The following FBXL20 variants were observed in gnomAD, a reference collection of about 807,000 sequenced individuals.
The protein encoded by FBXL20 is F-box and leucine rich repeat protein 20.
Under a neutral mutation model 64.0 loss-of-function variants are expected in FBXL20, and 11 were observed. The observed-to-expected ratio is 0.17, with a 90% confidence interval of 0.11 to 0.28. FBXL20 has a LOEUF of 0.28. Among genes scored for constraint, FBXL20 ranks in the 10% least tolerant of loss-of-function variants. FBXL20 has a pLI of 1.00. For synonymous variants in FBXL20, 184 were observed against 189.0 expected (o/e 0.97, Z 0.22); for missense variants, 303 against 526.2 (o/e 0.58, Z 4.15).
intron 1 of FBXL20, among the ~76,000 whole-genome samples, chr17:39,395,421 C>T (rs1318175110): frequency 6.6e-6 from 1 of 152,196 alleles, no homozygotes; most frequent in East Asian, 1.9e-4. Context: ...GAGACTCCGT[C>T]TCAAAAATAA....
At chr17:39,304,894 T>A (rs990082030) in intron 2 of FBXL20, among the ~76,000 whole-genome samples, 2 of 152,074 alleles carry the variant, frequency 1.3e-5, no homozygotes, top group Non-Finnish European at 2.9e-5. Flanking sequence ...CTAGCTGGGA[T>A]TACAGGCATC....
At position 39,328,248 on chromosome 17, in the gene FBXL20, CAAAAAAAA is replaced by C. The variant is rs141259755; in HGVS notation, c.104+14924_104+14931del. ...TGGGCAACAGAGCGAAACTCTGCCT[CAAAAAAAA>C]AAAAAAAAAAAAAAAAAAAAGACTG... is the stretch of plus-strand genomic sequence containing the variant. On this transcript the variant is annotated intron_variant, in intron 2 of 14. Coordinates refer to ENST00000264658, the MANE Select transcript of FBXL20 (RefSeq NM_032875.3). Among the ~76,000 whole-genome samples, 22 of 55,104 alleles carry C rather than the reference CAAAAAAAA, an allele frequency of 4.0e-4. No individual in the cohort carries two copies. In the South Asian group the frequency reaches 8.8e-3, roughly 22 times the overall value. 36.2% of individuals were successfully genotyped at this position (55,104 alleles called of 152,430 possible).
chr17:39,319,601 C>T (rs1490823078), intron 2 of FBXL20, among the ~76,000 whole-genome samples: 1 of 141,604 alleles, frequency 7.1e-6, no homozygotes, highest in Non-Finnish European at 1.5e-5. Flanking sequence ...AGGACAATTG[C>T]TTGAACCTGG....
intron 2 of FBXL20, among the ~76,000 whole-genome samples, chr17:39,339,944 A>AT (rs887759544): frequency 1.4e-3 from 190 of 140,340 alleles, no homozygotes; most frequent in East Asian, 4.7e-3. Context: ...CCGTAACTGG[A>AT]TTTTTTTTTT....
At chr17:39,376,120 AAAAAT>A (rs958468326) in intron 1 of FBXL20, among the ~76,000 whole-genome samples, 15 of 152,040 alleles carry the variant, frequency 9.9e-5, no homozygotes, top group African/African-American at 3.4e-4. Flanking sequence ...CTCCATCTCA[AAAAAT>A]AAAATAAAAT....
At chr17:39,285,425 T>A (rs2046980273) in intron 7 of FBXL20, 53 bp downstream of exon 7, 14 of 1,229,258 alleles carry the variant, frequency 1.1e-5, no homozygotes, top group Middle Eastern at 2.1e-4. Flanking sequence ...ATTATTTTTT[T>A]AAAATATGTA....
At chr17:39,395,826 T>C (rs545560380) in intron 1 of FBXL20, among the ~76,000 whole-genome samples, 2 of 152,140 alleles carry the variant, frequency 1.3e-5, no homozygotes, top group South Asian at 2.1e-4. Context: ...ATGAGTGAAA[T>C]GATGTAGAGA....
chr17:39,292,052 A>G (rs1384215625), intron 6 of FBXL20, among the ~76,000 whole-genome samples: 1 of 150,742 alleles, frequency 6.6e-6, no homozygotes, highest in Admixed American at 6.6e-5. Context: ...GTCCTATTGA[A>G]TATTCCAAAT....
chr17:39,355,850 C>T (rs576789931), intron 1 of FBXL20, among the ~76,000 whole-genome samples: 12 of 95,194 alleles, frequency 1.3e-4, no homozygotes, highest in Middle Eastern at 9.4e-3. Flanking sequence ...ATCGAGACTT[C>T]GTCTCAAAAA....
At chr17:39,395,040 G>T (rs748424664) in intron 1 of FBXL20, among the ~76,000 whole-genome samples, 1 of 152,132 alleles carries the variant, frequency 6.6e-6, no homozygotes, top group African/African-American at 2.4e-5. Flanking sequence ...AAAAGAGATG[G>T]ATTTTTTTAA....
At chr17:39,293,102 T>C (rs200320098) in intron 6 of FBXL20, among the ~76,000 whole-genome samples, 1 of 151,778 alleles carries the variant, frequency 6.6e-6, no homozygotes, top group Non-Finnish European at 1.5e-5. Context: ...CAACATGTCT[T>C]ACAATTTTTG....
At chr17:39,287,666 G>C (rs1473525910) in intron 6 of FBXL20, among the ~76,000 whole-genome samples, 1 of 151,962 alleles carries the variant, frequency 6.6e-6, no homozygotes, top group African/African-American at 2.4e-5. Context: ...TGGCCTTCCA[G>C]AGTGCTGGGA....
At chr17:39,318,403 C>T (rs1354678825) in intron 2 of FBXL20, among the ~76,000 whole-genome samples, 2 of 152,122 alleles carry the variant, frequency 1.3e-5, no homozygotes, top group Non-Finnish European at 2.9e-5. Flanking sequence ...TAAAAGTGTT[C>T]TGTGCCACTA....
chr17:39,280,952 C>T (rs2046945063), intron 9 of FBXL20, among the ~76,000 whole-genome samples: 1 of 152,042 alleles, frequency 6.6e-6, no homozygotes, highest in African/African-American at 2.4e-5. Flanking sequence ...TTTGTAGAGA[C>T]GGGGTTTTGT....
intron 1 of FBXL20, among the ~76,000 whole-genome samples, chr17:39,354,004 C>T (rs1017687504): frequency 4.6e-5 from 7 of 152,090 alleles, no homozygotes; most frequent in Admixed American, 3.3e-4. Flanking sequence ...ATGTACTTAA[C>T]ACTACTGAAC....
intron 2 of FBXL20, among the ~76,000 whole-genome samples, chr17:39,315,805 TTGAGAGAGAG>T (rs1486946112): frequency 9.5e-6 from 1 of 105,112 alleles, no homozygotes; most frequent in African/African-American, 3.3e-5. Context: ...GAGGGGATCT[TTGAGAGAGAG>T]TGAGAGAGAG....
intron 2 of FBXL20, among the ~76,000 whole-genome samples, chr17:39,319,515 T>C (rs1195890283): frequency 6.6e-6 from 1 of 151,820 alleles, no homozygotes; most frequent in Non-Finnish European, 1.5e-5. Context: ...TGAAACCCCA[T>C]CTCTACTAAA....
At chr17:39,372,239 G>A (rs928858619) in intron 1 of FBXL20, among the ~76,000 whole-genome samples, 1 of 151,804 alleles carries the variant, frequency 6.6e-6, no homozygotes, top group African/African-American at 2.4e-5. Flanking sequence ...CCAAAAAAAA[G>A]GCCAGGCACG....
rs374565541 is a variant in FBXL20, at chr17:39,343,212, G to A, written c.72C>T (p.Ile24=). The change falls in exon 2 of 15, where the codon ATC becomes ATT. Residue 24 remains isoleucine, a synonymous_variant. Transcript: ENST00000264658. The part of the protein sequence containing the change: ...EMFSNSDEAV[I]NKKLPKELLL... ...GGAGTTCTTTGGGAAGTTTTTTATT[G>A]ATTACAGCTTCATCACTATTTGAGA... 1.2e-6 allele frequency: 2 copies of A among 1,603,664 alleles called. No homozygotes were observed. Among genetic ancestry groups the A allele is most frequent in the South Asian group, 2.3e-5 (2 of 87,914 alleles).
Sources: gnomAD v4.1 joint callset for allele counts (sites outside exome capture counted in the v4.1 genomes callset) on GRCh38, gnomAD v4.1.1 for gene constraint, MANE v1.5 for transcripts, NCBI Gene and HGNC (gene_info 2026-07-23, HGNC 2026-07-21) for gene names.